Variants in CPT2 observed in about 807,000 individuals in gnomAD.
The protein encoded by CPT2 is carnitine O-palmitoyltransferase 2, mitochondrial.
A neutral mutation model predicts 48.6 loss-of-function variants in CPT2; 37 were observed. The ratio of observed to expected loss-of-function variants is 0.76; its 90% CI spans 0.59 to 1.00. The LOEUF is 1.00. CPT2 is among the 50% of genes least tolerant of loss of function. The probability of loss-of-function intolerance (pLI) is 0.00; values close to 1 mark genes in which losing one functional copy is unlikely to be tolerated. For synonymous variants in CPT2, 319 were observed against 326.9 expected (o/e 0.98, Z 0.26); for missense variants, 772 against 825.6 (o/e 0.94, Z 0.80).
At chr1:53,212,047 C>CAT (rs1338012032) in intron 4 of CPT2, among the ~76,000 whole-genome samples, 1 of 148,926 alleles carries the variant, frequency 6.7e-6, no homozygotes, top group Non-Finnish European at 1.5e-5. Context: ...CATGCACCAC[C>CAT]ATGCCCAGCT....
chr1:53,206,289 T>G (rs1231634393), intron 3 of CPT2, among the ~76,000 whole-genome samples: 1 of 151,650 alleles, frequency 6.6e-6, no homozygotes, highest in African/African-American at 2.4e-5. Context: ...GAAGCCCTCA[T>G]GGAGATCCTC....
Position 53,210,820 on chromosome 1 carries a change from AT to A in CPT2, c.1152del (p.Phe384LeufsTer36), listed in dbSNP as rs1414678698. On this transcript the variant is annotated frameshift_variant, in exon 4 of 5. Coordinates refer to ENST00000371486, the MANE Select transcript of CPT2 (RefSeq NM_000098.3). LOFTEE classifies it high-confidence loss of function. The stretch of plus-strand genomic sequence containing the variant: ...GGGGTGATGGTGTGGCAGTGCTCAG[AT>A]TTTTTAATGAAGTATTTAAAGACAG... ...SWGDGVAVLRFFNEVFKDSTQ... is the reference protein window; with the variant it reads ...SWGDGVAVLRXFNEVFKDSTQ... 1 of 1,614,050 alleles carries A rather than the reference AT, an allele frequency of 6.2e-7. No individual in the cohort carries two copies. Among genetic ancestry groups the A allele is most frequent in the East Asian group, 2.2e-5 (1 of 44,872 alleles).
chr1:53,198,660 A>G (rs1645338240), intron 1 of CPT2, among the ~76,000 whole-genome samples: 1 of 152,202 alleles, frequency 6.6e-6, no homozygotes, highest in African/African-American at 2.4e-5. Flanking sequence ...CAGGTTTAAG[A>G]TCAGAGGGAT....
At chr1:53,198,323 G>T (rs1427753221) in intron 1 of CPT2, among the ~76,000 whole-genome samples, 1 of 152,206 alleles carries the variant, frequency 6.6e-6, no homozygotes, top group Non-Finnish European at 1.5e-5. Flanking sequence ...CTGCTGGGTT[G>T]TTTTTCTCTG....
chr1:53,207,799 TC>T (rs1412968943), intron 3 of CPT2: 1 of 152,112 alleles, frequency 6.6e-6, no homozygotes, highest in East Asian at 1.9e-4. Flanking sequence ...ACTTAAGTCT[TC>T]TACAGGAGTG....
In CPT2 at chr1:53,198,893, C is replaced by T. The variant is rs117485874; in HGVS notation, c.152+1798C>T. Reference sequence around the variant, plus strand: ...AGATGAGAGATGAGATTCCTTCTGTCGCTCAGATTCTAGACTGGTAAAATG... The same window carrying T: ...AGATGAGAGATGAGATTCCTTCTGTTGCTCAGATTCTAGACTGGTAAAATG... On this transcript the variant is annotated intron_variant, in intron 1 of 4. Coordinates refer to ENST00000371486, the MANE Select transcript of CPT2 (RefSeq NM_000098.3). 2.5e-3 allele frequency among the ~76,000 whole-genome samples: 378 copies of T among 152,266 alleles called. 9 individuals carry two copies. The East Asian group carries it at 0.065, about 26-fold the overall frequency.
chr1:53,197,910 T>G (rs868447557), intron 1 of CPT2, among the ~76,000 whole-genome samples: 1 of 151,898 alleles, frequency 6.6e-6, no homozygotes, highest in Non-Finnish European at 1.5e-5. Context: ...CAAATTTCTC[T>G]TCTCCTCCTC....
intron 3 of CPT2, 120 bp downstream of exon 3, chr1:53,202,549 C>G (rs41294754): frequency 2.5e-6 from 2 of 786,592 alleles, no homozygotes; most frequent in African/African-American, 3.4e-5. Context: ...AATGAAGTAA[C>G]GTCTCATCCT....
At chr1:53,199,377 A>G (rs1193493760) in intron 1 of CPT2, among the ~76,000 whole-genome samples, 1 of 152,086 alleles carries the variant, frequency 6.6e-6, no homozygotes, top group Admixed American at 6.5e-5. Context: ...TTTTATAGAG[A>G]CAGGGTTTCG....
chr1:53,209,024 G>A lies in CPT2; in HGVS notation c.341-991G>A, dbSNP rs185346807. ...CCATGTGATAGTAGTTCCACTCCTA[G>A]CTATGTCCATACAAAAACATGTATA... On this transcript the variant is annotated intron_variant, in intron 3 of 4. Transcript: ENST00000371486. The A allele has an allele frequency of 3.9e-3, 592 of 152,252 alleles. 9 individuals are homozygous for A. Among genetic ancestry groups the A allele is most frequent in the Non-Finnish European group, 5.1e-4 (35 of 68,022 alleles). 9.4% of individuals were successfully genotyped at this position (152,252 alleles called of 1,614,324 possible).
chr1:53,196,877 C>T lies in CPT2; in HGVS notation c.-67C>T, dbSNP rs1645323979. ...GTGTCTTGGGCGCTAACGGCGGCGG[C>T]GGCCTTGTGTTTAGACTCCAGAACT... On this transcript the variant is annotated 5_prime_UTR_variant, in exon 1 of 5. Coordinates refer to ENST00000371486, the MANE Select transcript of CPT2 (RefSeq NM_000098.3). The T allele has an allele frequency of 2.6e-6, 4 of 1,517,444 alleles. No homozygotes were observed. Among genetic ancestry groups the T allele is most frequent in the Non-Finnish European group, 3.5e-6 (4 of 1,136,554 alleles). 94.0% of individuals were successfully genotyped at this position (1,517,444 alleles called of 1,614,324 possible).
At chr1:53,198,094 A>G (rs912906873) in intron 1 of CPT2, among the ~76,000 whole-genome samples, 2 of 152,140 alleles carry the variant, frequency 1.3e-5, no homozygotes, top group African/African-American at 4.8e-5. Context: ...TCCTTCTTCA[A>G]TATTAGAAAT....
intron 2 of CPT2, chr1:53,201,739 G>C (rs1645355797): frequency 6.3e-6 from 1 of 157,950 alleles, no homozygotes; most frequent in African/African-American, 2.4e-5. Context: ...TGGAATCACA[G>C]AACTCTTCAC....
Position 53,211,252 on chromosome 1 carries a change from T to G in CPT2, c.1578T>G (p.Gly526=). 6.2e-7 allele frequency: 1 copy of G among 1,612,508 alleles called. No homozygotes were observed. The highest frequency in any genetic ancestry group is 1.7e-5 in the Admixed American group (1 of 59,854). The part of the protein sequence containing the change: ...FVREPSRHSA[G]ELQQMMVECS... ...GGGAGCCCTCCAGGCACAGTGCTGG[T>G]GAGCTTCAGCAGATGATGGTTGAGT... The change falls in exon 4 of 5, where the codon GGT becomes GGG. Residue 526 remains glycine (G), a synonymous_variant. Transcript: ENST00000371486.
chr1:53,200,687 T>C, intron 1 of CPT2, 32 bp from the exon 2 acceptor site: 1 of 1,519,094 alleles, frequency 6.6e-7, no homozygotes, highest in East Asian at 2.3e-5. Context: ...CCATATACTG[T>C]CAGCCTTACA....
In CPT2 at chr1:53,206,469, C is replaced by T. The variant is rs555886342; in HGVS notation, c.341-3546C>T. Among the ~76,000 whole-genome samples, 100 of 152,338 alleles carry T rather than the reference C, an allele frequency of 6.6e-4. 3 individuals carry two copies. In the South Asian group the frequency reaches 0.017, roughly 26 times the overall value. On this transcript the variant is annotated intron_variant, in intron 3 of 4. Coordinates refer to ENST00000371486, the MANE Select transcript of CPT2 (RefSeq NM_000098.3). ...TGGAAAAGCCACAGGCATTCAATGC[C>T]AGCCTGTAAAAGCAACCATGGGGCT...
chr1:53,199,085 C>CGG (rs1553168923), intron 1 of CPT2, among the ~76,000 whole-genome samples: 10 of 152,152 alleles, frequency 6.6e-5, no homozygotes, highest in Admixed American at 5.2e-4. Flanking sequence ...TTTTTTGAGA[C>CGG]AGTCTCGCTC....
intron 3 of CPT2, among the ~76,000 whole-genome samples, chr1:53,205,624 T>G (rs961943482): frequency 6.6e-6 from 1 of 152,218 alleles, no homozygotes; most frequent in Non-Finnish European, 1.5e-5. Context: ...GAGAATGTCT[T>G]GAGGGCATTT....
chr1:53,209,975 C>T, intron 3 of CPT2, 40 bp from the exon 4 acceptor site: 2 of 1,526,596 alleles, frequency 1.3e-6, no homozygotes, highest in Non-Finnish European at 1.8e-6. Context: ...TTAGGGACAG[C>T]ATTAACATTT....
Sources: gnomAD v4.1 joint callset for allele counts (sites outside exome capture counted in the v4.1 genomes callset) on GRCh38, gnomAD v4.1.1 for gene constraint, MANE v1.5 for transcripts, NCBI Gene and HGNC (gene_info 2026-07-23, HGNC 2026-07-21) for gene names.